TDRD9: variants seen among roughly 807,000 people sequenced by gnomAD.
TDRD9 encodes ATP-dependent RNA helicase TDRD9.
A neutral mutation model predicts 172.6 loss-of-function variants in TDRD9; 124 were observed. The observed-to-expected ratio is 0.72, with a 90% confidence interval of 0.62 to 0.83. TDRD9 has a LOEUF of 0.83. Among genes scored for constraint, TDRD9 ranks in the 40% least tolerant of loss-of-function variants. TDRD9 has a pLI of 0.00. For synonymous variants in TDRD9, 619 were observed against 617.1 expected, an observed-to-expected ratio of 1.00 and a Z score of -0.05; for missense variants, 1,479 against 1,714.1, an observed-to-expected ratio of 0.86 and a Z score of 2.42.
chr14:103,947,305 GTTTGTTTTGTTTTT>G (rs1408482464), intron 1 of TDRD9, among the ~76,000 whole-genome samples: 1 of 151,544 alleles, frequency 6.6e-6, no homozygotes, highest in Non-Finnish European at 1.5e-5. Context: ...TTGTTTGTTT[GTTTGTTTTGTTTTT>G]TTTGTTTTTT....
At position 104,040,768 on chromosome 14, in the gene TDRD9, C is replaced by T. The variant is rs112862168; in HGVS notation, c.3855+434C>T. On this transcript the variant is annotated intron_variant, in intron 33 of 35. Coordinates refer to ENST00000409874, the MANE Select transcript of TDRD9 (RefSeq NM_153046.3). ...CATGCTGAGCAGAGGGCTGGGTCAGCGTGAGTGCAGAGCTGAGCTGCTTGC... is the reference window on the plus strand; with the variant it reads ...CATGCTGAGCAGAGGGCTGGGTCAGTGTGAGTGCAGAGCTGAGCTGCTTGC... Among the ~76,000 whole-genome samples the T allele has an allele frequency of 5.1e-3, 779 of 152,306 alleles. 11 individuals carry two copies. The highest frequency in any genetic ancestry group is 0.018 in the African/African-American group (751 of 41,566).
intron 20 of TDRD9, among the ~76,000 whole-genome samples, chr14:104,012,039 G>C (rs776088856): frequency 3.3e-5 from 5 of 152,186 alleles, no homozygotes; most frequent in Admixed American, 6.5e-5. Flanking sequence ...TGACAGGCAT[G>C]AAGTATTGCA....
intron 9 of TDRD9, among the ~76,000 whole-genome samples, chr14:103,991,926 G>A (rs779473718): frequency 6.6e-6 from 1 of 152,076 alleles, no homozygotes; most frequent in Non-Finnish European, 1.5e-5. Flanking sequence ...CTTGTCTAGA[G>A]TTCAGCTTTT....
intron 13 of TDRD9, among the ~76,000 whole-genome samples, chr14:104,003,118 T>G (rs980269981): frequency 1.3e-5 from 2 of 152,024 alleles, no homozygotes; most frequent in Admixed American, 1.3e-4. Flanking sequence ...GTAAATGTGT[T>G]TATTTGGTCT....
In TDRD9 at chr14:104,031,244, T is replaced by C. The variant is rs978562376; in HGVS notation, c.3419T>C (p.Leu1140Pro). The C allele has an allele frequency of 1.9e-6, 3 of 1,551,228 alleles. No homozygotes were observed. The highest frequency in any genetic ancestry group is 1.7e-6 in the Non-Finnish European group (2 of 1,146,814). Residue 1140 changes from leucine to proline, a missense_variant, in exon 29 of 36, where the codon CTG becomes CCG. By Grantham distance (98) the Leu-to-Pro change is moderately conservative. Around this residue, in one of 3 missense-constraint regions of TDRD9, gnomAD observed 1,413 missense variants for 1,649.1 expected, o/e 0.86. Coordinates refer to ENST00000409874, the MANE Select transcript of TDRD9 (RefSeq NM_153046.3). ...ILLESFSTNK[L>P]GTPNCKAELH... ...TTAGAGAGCTTTTCTACCAATAAAC[T>C]GGGTACTCCAAACTGTAAGGTGATT...
At chr14:103,934,303 GCC>G (rs2030605014) in intron 1 of TDRD9, among the ~76,000 whole-genome samples, 4 of 152,202 alleles carry the variant, frequency 2.6e-5, no homozygotes, top group African/African-American at 9.7e-5. Context: ...ATGAGCCACT[GCC>G]CTGGCCAAAG....
At chr14:104,006,929 A>G in intron 18 of TDRD9, 84 bp downstream of exon 18, 1 of 1,214,044 alleles carries the variant, frequency 8.2e-7, no homozygotes, top group Admixed American at 2.0e-5. Flanking sequence ...TGAGGTAGAG[A>G]CAGACAATGT....
At chr14:103,963,283 T>C (rs2032595253) in intron 3 of TDRD9, 107 bp downstream of exon 3, 7 of 778,370 alleles carry the variant, frequency 9.0e-6, no homozygotes, top group Non-Finnish European at 1.4e-5. Context: ...TGAACACTTC[T>C]GTGGTGTACA....
chr14:103,960,075 T>G (rs758512488), intron 2 of TDRD9, among the ~76,000 whole-genome samples: 24 of 152,236 alleles, frequency 1.6e-4, no homozygotes, highest in Non-Finnish European at 3.2e-4. Context: ...TATTCTTCCT[T>G]CAAGTTAATT....
In TDRD9 at chr14:104,006,956, A is replaced by T. The variant is rs189131168; in HGVS notation, c.2007+111A>T. 132 of 1,075,212 alleles carry T rather than the reference A, an allele frequency of 1.2e-4. No individual in the cohort carries two copies. The East Asian group carries it at 3.3e-3, about 27-fold the overall frequency. The allele number at this position is 1,075,212 out of a possible 1,614,324, so 66.6% of individuals were successfully genotyped here. A position where few individuals can be genotyped will look rare whatever the true frequency, so the allele number is the denominator to read the frequency against. On this transcript the variant is annotated intron_variant, in intron 18 of 35. Transcript: ENST00000409874. ...AGACAATGTTTTATCTAGTGAAAGTATTATCAGGGTTATTGGTGTCCAGTG... is the reference window on the plus strand; with the variant it reads ...AGACAATGTTTTATCTAGTGAAAGTTTTATCAGGGTTATTGGTGTCCAGTG...
rs1204376451 is a variant in TDRD9, at chr14:103,932,172, G to T, written c.215+3448G>T. 2.6e-5 allele frequency among the ~76,000 whole-genome samples: 4 copies of T among 152,310 alleles called. No homozygotes were observed. In the East Asian group the frequency reaches 5.8e-4, roughly 22 times the overall value. On this transcript the variant is annotated intron_variant, in intron 1 of 35. Transcript: ENST00000409874. ...TAATTAATTTGCCTTGTTTGAAACT[G>T]CTATGTTTTTGCGATTTGTTGAGGC...
chr14:103,941,588 C>A, intron 1 of TDRD9: 2 of 1,535,096 alleles, frequency 1.3e-6, no homozygotes, highest in South Asian at 2.4e-5. Flanking sequence ...CCTTTAGGTG[C>A]CATTTTAATT....
chr14:104,016,300 G>A (rs11628717), intron 22 of TDRD9, among the ~76,000 whole-genome samples: 78,065 of 152,092 alleles, frequency 0.51, 21,389 homozygotes, highest in South Asian at 0.63. Context: ...TACAGACCTG[G>A]CCTTATAAGG....
chr14:103,975,533 G>A lies in TDRD9; in HGVS notation c.991G>A (p.Glu331Lys), dbSNP rs148146338. The change falls in exon 7 of 36, where the codon GAG becomes AAG. Residue 331 changes from glutamate (E) to lysine (K), a missense_variant. Physicochemically the swap from Glu to Lys is moderately conservative, Grantham distance 56 (BLOSUM62 1). Around this residue, in one of 3 missense-constraint regions of TDRD9, gnomAD observed 1,413 missense variants for 1,649.1 expected, o/e 0.86. Transcript: ENST00000409874. ...TGAAGAGTATTATCTTAATGATTTG[G>A]AGCACATTCATCATAGCAAGGTATG... ...SVEEYYLNDLEHIHHSKLSPH... is the reference protein window; with the variant it reads ...SVEEYYLNDLKHIHHSKLSPH... The A allele has an allele frequency of 8.7e-6, 14 of 1,609,366 alleles. No homozygotes were observed. Among genetic ancestry groups the A allele is most frequent in the African/African-American group, 2.7e-5 (2 of 74,882 alleles).
Position 104,022,729 on chromosome 14 carries a change from A to AAAAAAAATAAAT in TDRD9, c.2606+402_2606+403insAAAATAAATAAA, listed in dbSNP as rs1209630995. On this transcript the variant is annotated intron_variant, in intron 24 of 35. Transcript: ENST00000409874. ...GCGACAGAACAAGACGCTGTCTTAA[A>AAAAAAAATAAAT]AAATAAATAAATAAATAAATAAATA... Among the ~76,000 whole-genome samples, 256 of 145,976 alleles carry AAAAAAAATAAAT rather than the reference A, an allele frequency of 1.8e-3. 2 individuals carry two copies. Among genetic ancestry groups the AAAAAAAATAAAT allele is most frequent in the Middle Eastern group, 0.01 (3 of 288 alleles).
chr14:104,030,583 C>T (rs1566795042), intron 28 of TDRD9, among the ~76,000 whole-genome samples: 1 of 152,186 alleles, frequency 6.6e-6, no homozygotes, highest in South Asian at 2.1e-4. Flanking sequence ...CAAAGGCTGT[C>T]GGATTTCTTT....
intron 1 of TDRD9, among the ~76,000 whole-genome samples, chr14:103,933,836 A>C (rs1019624811): frequency 6.6e-6 from 1 of 152,224 alleles, no homozygotes; most frequent in African/African-American, 2.4e-5. Flanking sequence ...GGAAGTTAAG[A>C]TCAGAGAAGT....
In TDRD9 at chr14:103,986,156, C is replaced by T. The variant is rs145728439; in HGVS notation, c.1012-61C>T. ...AATGGTGAGAGCCAGTCCCATCCAA[C>T]GCCAGGTTTCTTCTGTAATCCTGTT... is the stretch of plus-strand genomic sequence containing the variant. On this transcript the variant is annotated intron_variant, in intron 7 of 35. Transcript: ENST00000409874. 4.8e-4 allele frequency: 591 copies of T among 1,237,134 alleles called. 5 individuals carry two copies. The East Asian group carries it at 0.01, about 22-fold the overall frequency. The allele number at this position is 1,237,134 out of a possible 1,614,324, so 76.6% of individuals were successfully genotyped here.
chr14:103,991,419 C>G (rs1280006450), intron 9 of TDRD9, among the ~76,000 whole-genome samples, 195 bp downstream of exon 9: 1 of 150,784 alleles, frequency 6.6e-6, no homozygotes, highest in East Asian at 1.9e-4. Flanking sequence ...TTTCCTTTTC[C>G]TTTTCCTTTT....
Sources: gnomAD v4.1 joint callset for allele counts (sites outside exome capture counted in the v4.1 genomes callset) on GRCh38, gnomAD v4.1.1 for gene constraint, gnomAD v4.1.1 regional missense constraint, MANE v1.5 for transcripts, NCBI Gene and HGNC (gene_info 2026-07-23, HGNC 2026-07-21) for gene names.